Variants in EXOC2 observed in about 807,000 individuals in gnomAD.
The protein encoded by EXOC2 is exocyst complex component 2.
EXOC2 carries 70 observed loss-of-function variants against 131.8 expected under a neutral mutation model. The ratio of observed to expected loss-of-function variants is 0.53; its 90% CI spans 0.44 to 0.65. The LOEUF is 0.65. Ranked by LOEUF, EXOC2 falls within the 30% of genes least tolerant of loss-of-function variation. The pLI, the probability that EXOC2 is intolerant of heterozygous loss-of-function variation, is 0.00. For missense variants in EXOC2, 923 were observed against 1,108.6 expected, an observed-to-expected ratio of 0.83 and a Z score of 2.38; for synonymous variants, 411 against 398.4, an observed-to-expected ratio of 1.03 and a Z score of -0.38.
intron 17 of EXOC2, among the ~76,000 whole-genome samples, chr6:560,777 G>A (rs1475717684): frequency 6.6e-6 from 1 of 151,158 alleles, no homozygotes. Context: ...GCGCGGTCTC[G>A]GCTCACTGCA....
intron 5 of EXOC2, among the ~76,000 whole-genome samples, chr6:619,136 G>C (rs1437150403): frequency 6.6e-6 from 1 of 152,188 alleles, no homozygotes; most frequent in African/African-American, 2.4e-5. Flanking sequence ...ATACATGTCA[G>C]TTTAAGTCCC....
intron 1 of EXOC2, among the ~76,000 whole-genome samples, chr6:671,235 T>C (rs1156545085): frequency 6.6e-6 from 1 of 151,720 alleles, no homozygotes; most frequent in African/African-American, 2.4e-5. Flanking sequence ...TGCACTCCTG[T>C]AGTCCCAGCT....
intron 26 of EXOC2, 146 bp from the exon 27 acceptor site, chr6:489,184 AAAAAGT>A (rs934038358): frequency 7.4e-5 from 60 of 805,824 alleles, no homozygotes; most frequent in Middle Eastern, 2.4e-4. Flanking sequence ...AAAACAATAG[AAAAAGT>A]AAAAGTAAAA....
chr6:525,661 C>G (rs1765697329), intron 23 of EXOC2: 1 of 152,058 alleles, frequency 6.6e-6, no homozygotes, highest in Non-Finnish European at 1.5e-5. Context: ...AATAAAAATA[C>G]ATCTATTCTG....
In EXOC2 at chr6:632,998, A is replaced by T; in HGVS notation, c.238T>A (p.Ser80Thr). 1.2e-6 allele frequency: 2 copies of T among 1,614,138 alleles called. No individual in the cohort carries two copies. The highest frequency in any genetic ancestry group is 1.7e-6 in the Non-Finnish European group (2 of 1,180,012). Residue 80 changes from serine to threonine, a missense_variant, in exon 3 of 28, where the codon TCA becomes ACA. Ser to Thr is a moderately conservative substitution (Grantham distance 58). Coordinates refer to ENST00000230449, the MANE Select transcript of EXOC2 (RefSeq NM_018303.6). ...DKGDIIVTTK[S>T]GGRGTSTVSF... ...ACTGTTGAGGTTCCTCTGCCACCTG[A>T]CTTAGTGGTGACAATAATGTCTCCT...
intron 1 of EXOC2, among the ~76,000 whole-genome samples, chr6:670,794 G>A (rs1397305719): frequency 1.3e-5 from 2 of 152,154 alleles, no homozygotes; most frequent in African/African-American, 4.8e-5. Context: ...CATCTATAGA[G>A]CTGAGAGAAA....
chr6:611,233 C>T (rs1190610656), intron 6 of EXOC2, among the ~76,000 whole-genome samples: 15 of 152,248 alleles, frequency 9.9e-5, no homozygotes, highest in Admixed American at 9.2e-4. Flanking sequence ...GACTTCCATG[C>T]TGCATGTGTG....
chr6:689,665 T>G (rs1383254699), intron 1 of EXOC2, among the ~76,000 whole-genome samples: 3 of 152,234 alleles, frequency 2.0e-5, no homozygotes, highest in Non-Finnish European at 2.9e-5. Flanking sequence ...ATACCCCTTA[T>G]GAATCCAGGC....
intron 22 of EXOC2, among the ~76,000 whole-genome samples, chr6:533,107 C>T (rs555503803): frequency 1.6e-4 from 24 of 152,248 alleles, no homozygotes; most frequent in Admixed American, 1.1e-3. Flanking sequence ...ATGGGGGAAA[C>T]GGCCACTACG....
At chr6:607,180 G>A (rs764984789) in intron 7 of EXOC2, among the ~76,000 whole-genome samples, 2 of 152,146 alleles carry the variant, frequency 1.3e-5, no homozygotes, top group Non-Finnish European at 1.5e-5. Context: ...GCTGGGGGAC[G>A]GCTGTCATGA....
At chr6:653,405 C>G (rs560908508) in intron 1 of EXOC2, among the ~76,000 whole-genome samples, 1 of 152,212 alleles carries the variant, frequency 6.6e-6, no homozygotes, top group Non-Finnish European at 1.5e-5. Context: ...CTCTAGTGAA[C>G]ACACGAATGA....
chr6:625,065 G>C (rs1185426824), intron 4 of EXOC2, among the ~76,000 whole-genome samples: 1 of 152,196 alleles, frequency 6.6e-6, no homozygotes, highest in Non-Finnish European at 1.5e-5. Context: ...CTGCCACCCT[G>C]AACAGATATG....
intron 23 of EXOC2, among the ~76,000 whole-genome samples, chr6:500,434 C>T (rs1280467690): frequency 6.6e-6 from 1 of 152,104 alleles, no homozygotes; most frequent in Non-Finnish European, 1.5e-5. Flanking sequence ...GGACCAAACC[C>T]CAGTTTCGAC....
chr6:649,396 T>G (rs1762732406), intron 1 of EXOC2, among the ~76,000 whole-genome samples: 1 of 152,192 alleles, frequency 6.6e-6, no homozygotes, highest in African/African-American at 2.4e-5. Context: ...TACTGGGAAC[T>G]TCACATATAT....
chr6:607,972 G>C (rs1760510466), intron 7 of EXOC2, among the ~76,000 whole-genome samples: 1 of 151,878 alleles, frequency 6.6e-6, no homozygotes, highest in Admixed American at 6.6e-5. Context: ...CAGAAAGATT[G>C]CCCAATTTAA....
intron 23 of EXOC2, among the ~76,000 whole-genome samples, chr6:528,759 A>G (rs1224766245): frequency 6.6e-6 from 1 of 152,178 alleles, no homozygotes; most frequent in Admixed American, 6.5e-5. Flanking sequence ...GAGGTTACAG[A>G]CTCTTATTAA....
chr6:496,995 GTTTC>G (rs901953455), intron 25 of EXOC2, among the ~76,000 whole-genome samples: 1 of 152,202 alleles, frequency 6.6e-6, no homozygotes, highest in African/African-American at 2.4e-5. Flanking sequence ...GTTATTTGTT[GTTTC>G]TATGCAAACT....
chr6:652,243 A>G (rs1762867319), intron 1 of EXOC2, among the ~76,000 whole-genome samples: 1 of 152,218 alleles, frequency 6.6e-6, no homozygotes, highest in Admixed American at 6.5e-5. Flanking sequence ...CAACTGTTTA[A>G]ACTTCCCATG....
intron 1 of EXOC2, among the ~76,000 whole-genome samples, chr6:642,399 G>A (rs376650166): frequency 1.3e-5 from 2 of 152,144 alleles, no homozygotes; most frequent in African/African-American, 4.8e-5. Context: ...GCTGGTGTCC[G>A]CTGGAGAGCT....
Sources: allele counts gnomAD v4.1 joint callset (sites outside exome capture counted in the v4.1 genomes callset), GRCh38; gene constraint gnomAD v4.1.1; transcripts MANE v1.5; gene names NCBI Gene and HGNC (gene_info 2026-07-23, HGNC 2026-07-21).